DIS3L2: variants seen among roughly 807,000 people sequenced by gnomAD.
DIS3L2 encodes DIS3 like 3'-5' exoribonuclease 2, also known as DIS3-like exonuclease 2.
In DIS3L2, 34 loss-of-function variants were observed where a neutral mutation model predicts 97.5. The ratio of observed to expected loss-of-function variants is 0.35; its 90% CI spans 0.27 to 0.46. The LOEUF (loss-of-function observed/expected upper bound fraction) is 0.46. DIS3L2 is among the 20% of genes least tolerant of loss of function. The pLI is 1.00. For missense variants in DIS3L2, 1,038 were observed against 1,146.0 expected (o/e 0.91, Z 1.36); for synonymous variants, 435 against 445.2 (o/e 0.98, Z 0.29).
At chr2:232,248,972 A>G (rs1034028882) in intron 11 of DIS3L2, among the ~76,000 whole-genome samples, 2 of 152,238 alleles carry the variant, frequency 1.3e-5, no homozygotes, top group African/African-American at 2.4e-5. Context: ...AGATAATACA[A>G]TGTAGCTATT....
intron 10 of DIS3L2, among the ~76,000 whole-genome samples, chr2:232,218,954 C>T (rs1402571857): frequency 3.3e-5 from 5 of 152,206 alleles, no homozygotes; most frequent in African/African-American, 1.2e-4. Context: ...CACTTCCCAG[C>T]GCTGCTTCCC....
chr2:232,017,912 T>C (rs1694401003), intron 3 of DIS3L2, among the ~76,000 whole-genome samples: 1 of 152,210 alleles, frequency 6.6e-6, no homozygotes, highest in Non-Finnish European at 1.5e-5. Flanking sequence ...ATTTCTTGGC[T>C]TTTATGTTTC....
intron 5 of DIS3L2, among the ~76,000 whole-genome samples, chr2:232,072,786 GTGTGTGTGTGT>G (rs1696065241): frequency 3.5e-5 from 5 of 143,534 alleles, no homozygotes; most frequent in Non-Finnish European, 6.0e-5. Flanking sequence ...GATGTGGGGT[GTGTGTGTGTGT>G]GTGTGTGTGT....
At chr2:232,126,058 T>C (rs929414073) in intron 6 of DIS3L2, among the ~76,000 whole-genome samples, 2 of 152,234 alleles carry the variant, frequency 1.3e-5, no homozygotes, top group African/African-American at 4.8e-5. Flanking sequence ...TGGACTTAAA[T>C]CACTGCCATT....
chr2:232,170,846 G>C (rs72990501), intron 9 of DIS3L2, among the ~76,000 whole-genome samples: 3,246 of 152,256 alleles, frequency 0.021, 43 homozygotes, highest in African/African-American at 0.025. Context: ...GAAATTTCCT[G>C]TCACTCCAGG....
At chr2:232,155,949 C>G (rs1221434303) in intron 8 of DIS3L2, among the ~76,000 whole-genome samples, 1 of 151,840 alleles carries the variant, frequency 6.6e-6, no homozygotes, top group African/African-American at 2.4e-5. Context: ...GAGATCGCGC[C>G]CCTGCACTCC....
intron 6 of DIS3L2, among the ~76,000 whole-genome samples, chr2:232,107,987 A>G (rs1462932046): frequency 6.6e-6 from 1 of 152,086 alleles, no homozygotes; most frequent in Non-Finnish European, 1.5e-5. Context: ...TCCTACTGAA[A>G]CTTCCAAAAA....
intron 6 of DIS3L2, among the ~76,000 whole-genome samples, chr2:232,099,097 T>C (rs922666779): frequency 1.3e-5 from 2 of 152,190 alleles, no homozygotes; most frequent in African/African-American, 4.8e-5. Flanking sequence ...CTCTTCTAAG[T>C]CTATTTCTGA....
chr2:232,132,718 A>G (rs1299644844), intron 7 of DIS3L2, among the ~76,000 whole-genome samples: 1 of 152,172 alleles, frequency 6.6e-6, no homozygotes, highest in East Asian at 1.9e-4. Context: ...TAAGTGGTTA[A>G]GAGAAGGGGT....
chr2:232,266,413 G>A (rs1313908338), intron 13 of DIS3L2, among the ~76,000 whole-genome samples: 1 of 147,854 alleles, frequency 6.8e-6, no homozygotes, highest in Non-Finnish European at 1.5e-5. Flanking sequence ...ACACCATGCT[G>A]ACTTGAGAGA....
At chr2:232,135,737 C>T (rs1698336989) in intron 7 of DIS3L2, among the ~76,000 whole-genome samples, 1 of 151,992 alleles carries the variant, frequency 6.6e-6, no homozygotes, top group Non-Finnish European at 1.5e-5. Flanking sequence ...TAGAGAAGAG[C>T]AGCAGCCAGC....
At chr2:232,015,399 G>C in intron 2 of DIS3L2, 115 bp from the exon 3 acceptor site, 1 of 1,355,920 alleles carries the variant, frequency 7.4e-7, no homozygotes, top group South Asian at 1.6e-5. Flanking sequence ...CCATCAGGGA[G>C]TTTCAGTCTC....
chr2:232,194,244 G>A (rs1356361690), intron 9 of DIS3L2, among the ~76,000 whole-genome samples: 3 of 151,978 alleles, frequency 2.0e-5, no homozygotes, highest in Non-Finnish European at 2.9e-5. Context: ...GCTTCTATGT[G>A]TGTGTATATA....
chr2:232,051,902 G>A (rs1257871172), intron 5 of DIS3L2, among the ~76,000 whole-genome samples: 1 of 149,920 alleles, frequency 6.7e-6, no homozygotes, highest in African/African-American at 2.4e-5. Flanking sequence ...CTGGATGTTT[G>A]CACATGGGAG....
At chr2:231,983,167 G>A (rs1693310409) in intron 1 of DIS3L2, among the ~76,000 whole-genome samples, 1 of 152,218 alleles carries the variant, frequency 6.6e-6, no homozygotes, top group African/African-American at 2.4e-5. Flanking sequence ...GGAGTTTTCA[G>A]TGGATCTCCT....
intron 9 of DIS3L2, among the ~76,000 whole-genome samples, chr2:232,166,238 AACGGAGCAAG>A (rs1302348329): frequency 2.6e-5 from 4 of 152,098 alleles, no homozygotes; most frequent in African/African-American, 9.7e-5. Flanking sequence ...CAGCCTGGAC[AACGGAGCAAG>A]ACTCTGTCTA....
At chr2:231,993,088 C>T (rs1030727825) in intron 1 of DIS3L2, among the ~76,000 whole-genome samples, 3 of 152,208 alleles carry the variant, frequency 2.0e-5, no homozygotes, top group Non-Finnish European at 2.9e-5. Flanking sequence ...ACTTTTGTGT[C>T]CAGCTGCCTG....
chr2:232,082,080 G>A (rs1009743579), intron 5 of DIS3L2, among the ~76,000 whole-genome samples: 9 of 152,116 alleles, frequency 5.9e-5, no homozygotes, highest in Non-Finnish European at 1.2e-4. Flanking sequence ...ATGAGCCACC[G>A]TGCCCGGCCT....
chr2:232,147,304 T>G (rs773914744), intron 8 of DIS3L2, among the ~76,000 whole-genome samples: 50 of 152,170 alleles, frequency 3.3e-4, no homozygotes, highest in Admixed American at 5.9e-4. Flanking sequence ...AGAACAGATT[T>G]AGATTTACAG....
Sources: gnomAD v4.1 joint callset for allele counts (sites outside exome capture counted in the v4.1 genomes callset) on GRCh38, gnomAD v4.1.1 for gene constraint, MANE v1.5 for transcripts, NCBI Gene and HGNC (gene_info 2026-07-23, HGNC 2026-07-21) for gene names.